Variants in STXBP3 observed in about 807,000 individuals in gnomAD.
STXBP3 encodes syntaxin-binding protein 3.
STXBP3 carries 41 observed loss-of-function variants against 85.7 expected under a neutral mutation model. The ratio of observed to expected loss-of-function variants is 0.48; its 90% CI spans 0.37 to 0.62. The LOEUF (loss-of-function observed/expected upper bound fraction) is 0.62. Among genes scored for constraint, STXBP3 ranks in the 20% least tolerant of loss-of-function variants. The pLI, the probability that STXBP3 is intolerant of heterozygous loss-of-function variation, is 0.00. For synonymous variants in STXBP3, 229 were observed against 231.7 expected (o/e 0.99, Z 0.10); for missense variants, 563 against 703.1 (o/e 0.80, Z 2.25).
chr1:108,807,257 CAAAAAAAA>C (rs201346701), intron 17 of STXBP3, 136 bp from the exon 18 acceptor site: 35 of 699,706 alleles, frequency 5.0e-5, no homozygotes, highest in East Asian at 1.1e-4. Context: ...GACTCCACCT[CAAAAAAAA>C]AAAAAAAAAA....
At chr1:108,804,817 G>C (rs1663294757) in intron 17 of STXBP3, among the ~76,000 whole-genome samples, 1 of 152,146 alleles carries the variant, frequency 6.6e-6, no homozygotes, top group South Asian at 2.1e-4. Flanking sequence ...CCTTATGCAG[G>C]GTGTCAGCTC....
chr1:108,793,815 A>G (rs556158811), intron 12 of STXBP3, among the ~76,000 whole-genome samples, 168 bp downstream of exon 12: 3 of 152,338 alleles, frequency 2.0e-5, no homozygotes, highest in East Asian at 3.9e-4. Flanking sequence ...AAGCTTCTTC[A>G]TAACTTCTCT....
At chr1:108,789,789 G>A (rs1475434986) in intron 11 of STXBP3, among the ~76,000 whole-genome samples, 2 of 152,032 alleles carry the variant, frequency 1.3e-5, no homozygotes, top group Non-Finnish European at 2.9e-5. Flanking sequence ...TATGGGGCTG[G>A]GCATGGTGGC....
intron 8 of STXBP3, 78 bp downstream of exon 8, chr1:108,776,501 C>T: frequency 1.9e-6 from 2 of 1,044,404 alleles, no homozygotes; most frequent in Non-Finnish European, 2.8e-6. Context: ...CTTGCTCATT[C>T]ATTTTCTAGT....
At chr1:108,795,340 A>G (rs1313765373) in intron 13 of STXBP3, among the ~76,000 whole-genome samples, 2 of 152,108 alleles carry the variant, frequency 1.3e-5, no homozygotes, top group South Asian at 4.1e-4. Flanking sequence ...AGCCATGTTA[A>G]TGCAGGTAAA....
intron 6 of STXBP3, among the ~76,000 whole-genome samples, chr1:108,762,225 A>T (rs1333408448): frequency 6.6e-6 from 1 of 152,222 alleles, no homozygotes; most frequent in African/African-American, 2.4e-5. Flanking sequence ...TACTATAAAG[A>T]GATTAAAAAG....
chr1:108,771,488 CAT>C (rs1289652659), intron 6 of STXBP3, among the ~76,000 whole-genome samples: 1 of 14,890 alleles, frequency 6.7e-5, no homozygotes, highest in South Asian at 1.7e-3. Context: ...CTATATATAT[CAT>C]ATATAAATAT....
intron 13 of STXBP3, 75 bp downstream of exon 13, chr1:108,794,982 T>G: frequency 7.4e-7 from 1 of 1,342,708 alleles, no homozygotes; most frequent in Non-Finnish European, 1.0e-6. Flanking sequence ...AACCTAACTT[T>G]TTGCTTGATA....
intron 17 of STXBP3, among the ~76,000 whole-genome samples, chr1:108,803,875 A>G (rs1316954142): frequency 6.6e-6 from 1 of 152,226 alleles, no homozygotes; most frequent in Non-Finnish European, 1.5e-5. Context: ...AGTTATGTTC[A>G]GTCAACACTT....
intron 6 of STXBP3, 143 bp downstream of exon 6, chr1:108,760,228 G>T: frequency 1.9e-6 from 1 of 516,180 alleles, no homozygotes. Context: ...CATTTCCCAT[G>T]ATGAAGTCAG....
At chr1:108,759,869 C>A in intron 5 of STXBP3, 116 bp from the exon 6 acceptor site, 1 of 657,914 alleles carries the variant, frequency 1.5e-6, no homozygotes, top group South Asian at 1.9e-5. Flanking sequence ...TTTATGTCCT[C>A]ATAATAACTG....
At chr1:108,778,452 A>G (rs1662635140) in intron 8 of STXBP3, among the ~76,000 whole-genome samples, 1 of 152,158 alleles carries the variant, frequency 6.6e-6, no homozygotes, top group African/African-American at 2.4e-5. Flanking sequence ...AAAATAGCAT[A>G]ATGGATAAGA....
intron 11 of STXBP3, among the ~76,000 whole-genome samples, chr1:108,788,251 C>G (rs1164671746): frequency 6.6e-6 from 1 of 152,218 alleles, no homozygotes; most frequent in Non-Finnish European, 1.5e-5. Flanking sequence ...TCCACTTGAT[C>G]ATGATGCATC....
intron 12 of STXBP3, 136 bp from the exon 13 acceptor site, chr1:108,794,691 C>G: frequency 1.5e-6 from 1 of 665,376 alleles, no homozygotes; most frequent in Non-Finnish European, 2.6e-6. Context: ...CTTTCTTGAG[C>G]TGTTCCCTTG....
At chr1:108,754,605 A>C (rs939537158) in intron 3 of STXBP3, among the ~76,000 whole-genome samples, 5 of 152,138 alleles carry the variant, frequency 3.3e-5, no homozygotes, top group Non-Finnish European at 7.4e-5. Context: ...CATTTTGTAG[A>C]CCATTGTTTC....
chr1:108,785,158 C>A (rs1003325822), intron 11 of STXBP3, among the ~76,000 whole-genome samples: 1 of 152,234 alleles, frequency 6.6e-6, no homozygotes, highest in African/African-American at 2.4e-5. Context: ...CCAGTGGCAA[C>A]TATGTGTGGA....
chr1:108,769,222 ATTC>A (rs1355680115), intron 6 of STXBP3, among the ~76,000 whole-genome samples: 1 of 152,198 alleles, frequency 6.6e-6, no homozygotes, highest in African/African-American at 2.4e-5. Context: ...GAAGGTCTTC[ATTC>A]TTGTCATTGT....
chr1:108,798,277 T>G, intron 16 of STXBP3, 40 bp downstream of exon 16: 1 of 1,493,140 alleles, frequency 6.7e-7, no homozygotes, highest in South Asian at 1.1e-5. Context: ...CTGAGTGCCC[T>G]CTTTAGAGTA....
intron 17 of STXBP3, among the ~76,000 whole-genome samples, chr1:108,801,753 CAA>C (rs765152696): frequency 6.6e-6 from 1 of 151,612 alleles, no homozygotes; most frequent in Admixed American, 6.6e-5. Flanking sequence ...ACTATAAACT[CAA>C]ACGCATGGGC....
Sources: allele counts gnomAD v4.1 joint callset (sites outside exome capture counted in the v4.1 genomes callset), GRCh38; gene constraint gnomAD v4.1.1; transcripts MANE v1.5; gene names NCBI Gene and HGNC (gene_info 2026-07-23, HGNC 2026-07-21).